KBTBD12: variants seen among roughly 807,000 people sequenced by gnomAD.
KBTBD12 encodes kelch repeat and BTB domain containing 12.
KBTBD12 carries 53 observed loss-of-function variants against 58.7 expected under a neutral mutation model. The observed-to-expected ratio is 0.90, with a 90% CI of 0.72 to 1.14. The LOEUF (loss-of-function observed/expected upper bound fraction) is 1.14, where lower values mean the gene tolerates loss of function less well. Ranked by LOEUF, KBTBD12 falls within the 50% of genes most tolerant of loss-of-function variation. KBTBD12 has a pLI of 0.00. For synonymous variants in KBTBD12, 236 were observed against 259.8 expected (o/e 0.91, Z 0.88); for missense variants, 704 against 751.3 (o/e 0.94, Z 0.74).
intron 5 of KBTBD12, among the ~76,000 whole-genome samples, chr3:127,978,418 A>T (rs955310015): frequency 6.6e-6 from 1 of 152,250 alleles, no homozygotes; most frequent in African/African-American, 2.4e-5. Context: ...GAAAGAAGTC[A>T]GAACTTGAAA....
At chr3:127,958,384 T>G (rs1327421515) in intron 4 of KBTBD12, among the ~76,000 whole-genome samples, 2 of 152,138 alleles carry the variant, frequency 1.3e-5, no homozygotes, top group African/African-American at 4.8e-5. Flanking sequence ...CTCCCCTTAC[T>G]GGCCCAGGCT....
intron 1 of KBTBD12, among the ~76,000 whole-genome samples, chr3:127,918,838 G>A (rs1214537835): frequency 6.6e-6 from 1 of 152,184 alleles, no homozygotes; most frequent in Non-Finnish European, 1.5e-5. Flanking sequence ...GACGAGGCAG[G>A]AAAGTTTGGG....
intron 4 of KBTBD12, among the ~76,000 whole-genome samples, chr3:127,955,585 A>T (rs939869104): frequency 6.6e-5 from 10 of 152,158 alleles, no homozygotes; most frequent in African/African-American, 2.2e-4. Context: ...GGCCCTCACT[A>T]TTGGCAGATT....
intron 5 of KBTBD12, among the ~76,000 whole-genome samples, chr3:127,965,470 G>A (rs1940545301): frequency 6.6e-6 from 1 of 152,166 alleles, no homozygotes; most frequent in South Asian, 2.1e-4. Flanking sequence ...TACCTATTAT[G>A]ATCTAGAGAT....
Position 127,955,305 on chromosome 3 carries a change from T to C in KBTBD12, c.1493-7884T>C, listed in dbSNP as rs114303549. Reference sequence around the variant, plus strand: ...AGGAAACCATTTTGTGCCTCATTGGTTTACTGAAAACATAACAGCACTGTC... The same window carrying C: ...AGGAAACCATTTTGTGCCTCATTGGCTTACTGAAAACATAACAGCACTGTC... On this transcript the variant is annotated intron_variant, in intron 4 of 5. Transcript: ENST00000405109. Among the ~76,000 whole-genome samples the C allele has an allele frequency of 1.9e-3, 284 of 152,304 alleles. 1 individual carries two copies. Among genetic ancestry groups the C allele is most frequent in the African/African-American group, 6.3e-3 (260 of 41,566 alleles).
chr3:127,952,621 A>G (rs1181882843), intron 4 of KBTBD12, among the ~76,000 whole-genome samples: 2 of 152,252 alleles, frequency 1.3e-5, no homozygotes, highest in African/African-American at 4.8e-5. Flanking sequence ...TGTGTCATTA[A>G]CAATGTCTCC....
chr3:127,944,917 T>C (rs1373150789), intron 4 of KBTBD12, among the ~76,000 whole-genome samples: 1 of 151,858 alleles, frequency 6.6e-6, no homozygotes, highest in African/African-American at 2.4e-5. Flanking sequence ...GGTCTTGCTC[T>C]GTTGCTCAGG....
chr3:127,972,304 G>A (rs1192068602), intron 5 of KBTBD12, among the ~76,000 whole-genome samples: 1 of 152,160 alleles, frequency 6.6e-6, no homozygotes, highest in African/African-American at 2.4e-5. Flanking sequence ...TTTAGCAGTA[G>A]GCTAAACTGT....
intron 2 of KBTBD12, among the ~76,000 whole-genome samples, chr3:127,924,602 T>C (rs1360907672): frequency 6.6e-6 from 1 of 152,032 alleles, no homozygotes; most frequent in East Asian, 1.9e-4. Context: ...AGAAGGAAAG[T>C]TTATTAAAAC....
At chr3:127,973,764 T>C (rs1940727929) in intron 5 of KBTBD12, among the ~76,000 whole-genome samples, 1 of 152,342 alleles carries the variant, frequency 6.6e-6, no homozygotes, top group South Asian at 2.1e-4. Flanking sequence ...CTTTTCTGTA[T>C]GTTTGAAATT....
intron 5 of KBTBD12, among the ~76,000 whole-genome samples, chr3:127,968,474 T>G (rs1284347720): frequency 6.6e-6 from 1 of 152,210 alleles, no homozygotes; most frequent in African/African-American, 2.4e-5. Context: ...AACTATAGGT[T>G]AGTAGCCTTT....
At chr3:127,979,262 C>A (rs1940836170) in intron 5 of KBTBD12, among the ~76,000 whole-genome samples, 1 of 152,144 alleles carries the variant, frequency 6.6e-6, no homozygotes, top group Non-Finnish European at 1.5e-5. Flanking sequence ...AGAAGACAAT[C>A]AACAGATACT....
chr3:127,959,501 T>C (rs1236596817), intron 4 of KBTBD12, among the ~76,000 whole-genome samples: 1 of 152,124 alleles, frequency 6.6e-6, no homozygotes, highest in East Asian at 1.9e-4. Context: ...ATTATAGACA[T>C]AGCAAATAAT....
chr3:127,958,451 G>A (rs530292997), intron 4 of KBTBD12, among the ~76,000 whole-genome samples: 2 of 152,236 alleles, frequency 1.3e-5, no homozygotes, highest in East Asian at 3.9e-4. Context: ...GAAGAGACAA[G>A]GAAAAGATGG....
chr3:127,971,927 C>A (rs1172464010), intron 5 of KBTBD12, among the ~76,000 whole-genome samples: 1 of 152,226 alleles, frequency 6.6e-6, no homozygotes, highest in Admixed American at 6.5e-5. Flanking sequence ...GCAAGAACTT[C>A]CCTCAAATCA....
At chr3:127,980,486 C>T (rs149864515) in intron 5 of KBTBD12, among the ~76,000 whole-genome samples, 3,494 of 152,206 alleles carry the variant, frequency 0.023, 118 homozygotes, top group African/African-American at 0.071. Context: ...GGCGCTACCA[C>T]GCCCAGCTAA....
intron 4 of KBTBD12, among the ~76,000 whole-genome samples, chr3:127,960,587 T>C (rs961106880): frequency 6.6e-6 from 1 of 152,236 alleles, no homozygotes; most frequent in Non-Finnish European, 1.5e-5. Context: ...GGTGCTGACT[T>C]ATTAATGAAG....
chr3:127,924,950 T>C (rs1028373064), intron 2 of KBTBD12, among the ~76,000 whole-genome samples: 1 of 152,216 alleles, frequency 6.6e-6, no homozygotes. Context: ...GAATAAATAC[T>C]ACATAGTAAA....
Position 127,923,310 on chromosome 3 carries a change from G to A in KBTBD12, c.249G>A (p.Ser83=), listed in dbSNP as rs747315796. The stretch of plus-strand genomic sequence containing the variant: ...ATGACATCACAGCAGAAAGTGTGTC[G>A]GTGTTATTAAATTACATGTACAATG... ...ILYDITAESV[S]VLLNYMYNAA... is the part of the protein sequence containing the mutation. The change falls in exon 2 of 6, where the codon TCG becomes TCA. Residue 83 remains serine, a synonymous_variant. Coordinates refer to ENST00000405109, the MANE Select transcript of KBTBD12 (RefSeq NM_207335.4). 34 of 1,613,540 alleles carry A rather than the reference G, an allele frequency of 2.1e-5. No individual in the cohort carries two copies. Among genetic ancestry groups the A allele is most frequent in the East Asian group, 1.6e-4 (7 of 44,878 alleles).
Sources: allele counts gnomAD v4.1 joint callset (sites outside exome capture counted in the v4.1 genomes callset), GRCh38; gene constraint gnomAD v4.1.1; transcripts MANE v1.5; gene names NCBI Gene and HGNC (gene_info 2026-07-23, HGNC 2026-07-21).